The following ERP44 variants were observed in gnomAD, a reference collection of about 807,000 sequenced individuals.
The protein encoded by ERP44 is endoplasmic reticulum protein 44.
A neutral mutation model predicts 53.4 loss-of-function variants in ERP44; 25 were observed. The observed-to-expected ratio is 0.47, with a 90% CI of 0.34 to 0.65. The LOEUF (loss-of-function observed/expected upper bound fraction) is 0.65, where lower values mean the gene tolerates loss of function less well. Ranked by LOEUF, ERP44 falls within the 30% of genes least tolerant of loss-of-function variation. The pLI, the probability that ERP44 is intolerant of heterozygous loss-of-function variation, is 0.01. For synonymous variants in ERP44, 145 were observed against 161.2 expected (o/e 0.90, Z 0.76); for missense variants, 338 against 493.2 (o/e 0.69, Z 2.98).
intron 4 of ERP44, among the ~76,000 whole-genome samples, chr9:100,022,674 G>C (rs1830605889): frequency 6.6e-6 from 1 of 152,166 alleles, no homozygotes; most frequent in African/African-American, 2.4e-5. Context: ...GCTGGGGAGG[G>C]GAGGTAAGTT....
chr9:100,067,345 C>T (rs562136607), intron 1 of ERP44, among the ~76,000 whole-genome samples: 4 of 150,904 alleles, frequency 2.7e-5, no homozygotes, highest in Admixed American at 2.6e-4. Flanking sequence ...CGCGCGCCGC[C>T]GCGCCTGACT....
At chr9:100,058,579 C>G (rs574586158) in intron 2 of ERP44, among the ~76,000 whole-genome samples, 1 of 152,218 alleles carries the variant, frequency 6.6e-6, no homozygotes, top group Admixed American at 6.5e-5. Context: ...ATTTTTAAAC[C>G]TCACATATAC....
At chr9:100,063,988 G>C (rs1352545779) in intron 1 of ERP44, among the ~76,000 whole-genome samples, 2 of 152,162 alleles carry the variant, frequency 1.3e-5, no homozygotes, top group African/African-American at 4.8e-5. Flanking sequence ...TAATAAAAGT[G>C]AAAGGCTAGC....
At chr9:100,023,071 T>C (rs1257123082) in intron 4 of ERP44, among the ~76,000 whole-genome samples, 1 of 152,202 alleles carries the variant, frequency 6.6e-6, no homozygotes, top group East Asian at 1.9e-4. Flanking sequence ...AATTTATACA[T>C]AATTAACATA....
intron 4 of ERP44, among the ~76,000 whole-genome samples, chr9:100,043,742 A>C (rs1436681019): frequency 6.6e-6 from 1 of 152,076 alleles, no homozygotes; most frequent in African/African-American, 2.4e-5. Flanking sequence ...GAGACAGAGC[A>C]AGACTCTGTC....
chr9:100,048,335 T>A (rs948986025), intron 4 of ERP44, among the ~76,000 whole-genome samples: 56 of 151,706 alleles, frequency 3.7e-4, no homozygotes, highest in Admixed American at 9.8e-4. Context: ...TAATAAAATT[T>A]AAAAAAAATA....
Position 99,982,616 on chromosome 9 carries a change from A to G in ERP44, c.1217T>C (p.Leu406Pro). 6.5e-7 allele frequency: 1 copy of G among 1,532,710 alleles called. No homozygotes were observed. Among genetic ancestry groups the G allele is most frequent in the African/African-American group, 1.4e-5 (1 of 72,036 alleles). 94.9% of individuals were successfully genotyped at this position (1,532,710 alleles called of 1,614,324 possible). A position where few individuals can be genotyped will look rare whatever the true frequency, so the allele number is the denominator to read the frequency against. Reference protein sequence around the residue: ...RYTLLRDRDEL With the variant: ...RYTLLRDRDEP ...TACAAACTGTTTTTCAAGTTTTTAA[A>G]GCTCATCTCGATCCCTCAATAGAGT... Residue 406 changes from leucine to proline, a missense_variant, in exon 12 of 12, where the codon CTT becomes CCT. By Grantham distance (98) the Leu-to-Pro change is moderately conservative. Coordinates refer to ENST00000262455, the MANE Select transcript of ERP44 (RefSeq NM_015051.3).
In ERP44 at chr9:99,980,063, CCT is replaced by C. The variant is rs1351135062; in HGVS notation, c.*2547_*2548del. 12 of 398,366 alleles carry C rather than the reference CCT, an allele frequency of 3.0e-5. No homozygotes were observed. The highest frequency in any genetic ancestry group is 7.1e-5 in the East Asian group (2 of 28,090). The allele number at this position is 398,366 out of a possible 1,614,324, so 24.7% of individuals were successfully genotyped here. A position where few individuals can be genotyped will look rare whatever the true frequency, so the allele number is the denominator to read the frequency against. ...TTTCATACCTTTGCTCAGATTATTC[CCT>C]CTCAGCCAGATCCCTACCTCCTGAG... On this transcript the variant is annotated 3_prime_UTR_variant, in exon 12 of 12. Coordinates refer to ENST00000262455, the MANE Select transcript of ERP44 (RefSeq NM_015051.3).
intron 1 of ERP44, among the ~76,000 whole-genome samples, chr9:100,064,908 G>C (rs1458191258): frequency 6.6e-6 from 1 of 152,148 alleles, no homozygotes; most frequent in Non-Finnish European, 1.5e-5. Context: ...TAACGTGTTG[G>C]TATTTTAACC....
chr9:99,991,456 C>T (rs962135007), intron 10 of ERP44, among the ~76,000 whole-genome samples: 1 of 152,180 alleles, frequency 6.6e-6, no homozygotes, highest in East Asian at 1.9e-4. Context: ...TAAAGATGTT[C>T]TTTGAAGCCA....
At chr9:100,075,554 A>T (rs1296267724) in intron 1 of ERP44, among the ~76,000 whole-genome samples, 1 of 152,224 alleles carries the variant, frequency 6.6e-6, no homozygotes, top group South Asian at 2.1e-4. Context: ...AGAGAGCAAG[A>T]AGTAGCAGAC....
chr9:100,078,069 T>C (rs560726042), intron 1 of ERP44, among the ~76,000 whole-genome samples: 66 of 152,318 alleles, frequency 4.3e-4, no homozygotes, highest in African/African-American at 1.4e-3. Context: ...GTTACGACCA[T>C]GTGGCCAGCT....
At chr9:99,983,010 T>C (rs1830163627) in intron 11 of ERP44, among the ~76,000 whole-genome samples, 1 of 152,160 alleles carries the variant, frequency 6.6e-6, no homozygotes, top group South Asian at 2.1e-4. Flanking sequence ...GGTGCTTTCC[T>C]AGACTAGTCG....
intron 1 of ERP44, among the ~76,000 whole-genome samples, chr9:100,093,746 A>G (rs987718463): frequency 2.0e-5 from 3 of 152,228 alleles, no homozygotes; most frequent in Non-Finnish European, 1.5e-5. Flanking sequence ...AAGACAGTTC[A>G]CACAAAAAGA....
At chr9:100,090,758 A>AG (rs1415962272) in intron 1 of ERP44, among the ~76,000 whole-genome samples, 2 of 152,018 alleles carry the variant, frequency 1.3e-5, no homozygotes, top group African/African-American at 4.8e-5. Flanking sequence ...CAAAAAAAAA[A>AG]AAATATACAA....
At chr9:100,038,607 A>G (rs1339575457) in intron 4 of ERP44, among the ~76,000 whole-genome samples, 5 of 152,188 alleles carry the variant, frequency 3.3e-5, no homozygotes, top group African/African-American at 1.2e-4. Context: ...AAACAATGAG[A>G]AAAGAAATAA....
intron 10 of ERP44, among the ~76,000 whole-genome samples, chr9:99,999,856 G>A (rs941953991): frequency 5.3e-5 from 8 of 152,030 alleles, no homozygotes; most frequent in Admixed American, 1.3e-4. Flanking sequence ...ATTTGTATAC[G>A]GGGCGAGATG....
chr9:100,070,283 C>T (rs1233619329), intron 1 of ERP44, among the ~76,000 whole-genome samples: 1 of 152,204 alleles, frequency 6.6e-6, no homozygotes, highest in Non-Finnish European at 1.5e-5. Context: ...ACTGAGTCAT[C>T]ACAGTGTCAA....
At chr9:100,054,387 G>A (rs1208809225) in intron 3 of ERP44, among the ~76,000 whole-genome samples, 1 of 152,148 alleles carries the variant, frequency 6.6e-6, no homozygotes, top group African/African-American at 2.4e-5. Context: ...ATCTGACCTA[G>A]TGAAGAAAGA....
Sources: gnomAD v4.1 joint callset for allele counts (sites outside exome capture counted in the v4.1 genomes callset) on GRCh38, gnomAD v4.1.1 for gene constraint, MANE v1.5 for transcripts, NCBI Gene and HGNC (gene_info 2026-07-23, HGNC 2026-07-21) for gene names.